TENM2: variants seen among roughly 807,000 people sequenced by gnomAD.
TENM2 encodes the protein teneurin transmembrane protein 2.
TENM2 carries 52 observed loss-of-function variants against 245.2 expected under a neutral mutation model. The observed-to-expected ratio is 0.21, with a 90% CI of 0.17 to 0.27. The LOEUF (loss-of-function observed/expected upper bound fraction) is 0.27. TENM2 is among the 10% of genes least tolerant of loss of function. TENM2 has a pLI of 1.00. For missense variants in TENM2, 3,046 were observed against 3,666.8 expected, an observed-to-expected ratio of 0.83 and a Z score of 4.37; for synonymous variants, 1,363 against 1,438.9, an observed-to-expected ratio of 0.95 and a Z score of 1.19.
intron 2 of TENM2, among the ~76,000 whole-genome samples, chr5:167,675,611 A>T (rs1464706579): frequency 2.0e-5 from 3 of 152,100 alleles, no homozygotes; most frequent in Non-Finnish European, 4.4e-5. Flanking sequence ...ATGACTTTAT[A>T]TGGGAGGTAG....
chr5:167,459,930 A>ACACACG (rs1476443753), intron 2 of TENM2, among the ~76,000 whole-genome samples: 2 of 151,616 alleles, frequency 1.3e-5, no homozygotes, highest in East Asian at 1.9e-4. Flanking sequence ...ACACACACAC[A>ACACACG]CACACGCACA....
intron 7 of TENM2, among the ~76,000 whole-genome samples, chr5:168,067,301 G>A (rs980875108): frequency 1.3e-5 from 2 of 152,094 alleles, no homozygotes; most frequent in African/African-American, 2.4e-5. Context: ...TATGCTGAGA[G>A]GTATCTATGG....
intron 4 of TENM2, among the ~76,000 whole-genome samples, chr5:167,965,893 C>A (rs901412594): frequency 1.3e-5 from 2 of 152,100 alleles, no homozygotes; most frequent in East Asian, 1.9e-4. Flanking sequence ...TATGATAATG[C>A]CTGGGGAACT....
the TENM2 span, among the ~76,000 whole-genome samples, chr5:167,264,487 C>T: frequency 6.6e-6 from 1 of 152,138 alleles, no homozygotes; most frequent in Non-Finnish European, 1.5e-5. Context: ...AGTTGAGCAG[C>T]GTGTGTTTTG....
chr5:168,249,248 G>A (rs980918430), intron 27 of TENM2, among the ~76,000 whole-genome samples: 2 of 152,044 alleles, frequency 1.3e-5, no homozygotes, highest in Non-Finnish European at 1.5e-5. Context: ...CGTAAGTATC[G>A]AGATGACTGT....
At chr5:167,156,406 G>A in the TENM2 span, among the ~76,000 whole-genome samples, 1 of 152,176 alleles carries the variant, frequency 6.6e-6, no homozygotes. Context: ...TAACCACACA[G>A]GATGGTAAAA....
At chr5:167,310,824 A>G (rs1755989190) in intron 1 of TENM2, among the ~76,000 whole-genome samples, 1 of 152,210 alleles carries the variant, frequency 6.6e-6, no homozygotes, top group African/African-American at 2.4e-5. Context: ...AGAGGAATTG[A>G]TGACGTTAAT....
At chr5:167,784,661 A>G (rs539868103) in intron 2 of TENM2, among the ~76,000 whole-genome samples, 5 of 152,300 alleles carry the variant, frequency 3.3e-5, no homozygotes, top group South Asian at 2.1e-4. Flanking sequence ...ATATAAAACC[A>G]TGTTTTCCTG....
At chr5:167,297,791 A>G (rs1166877903) in intron 1 of TENM2, among the ~76,000 whole-genome samples, 1 of 151,880 alleles carries the variant, frequency 6.6e-6, no homozygotes, top group East Asian at 1.9e-4. Context: ...AAGGAAAATT[A>G]CAGTCAAAGG....
intron 12 of TENM2, 70 bp from the exon 15 acceptor site, chr5:168,162,541 G>A: frequency 6.4e-7 from 1 of 1,553,082 alleles, no homozygotes; most frequent in Non-Finnish European, 8.8e-7. Flanking sequence ...GCTCCCCTCT[G>A]CATGGCTCCC....
chr5:167,723,667 C>T (rs895239090), intron 2 of TENM2, among the ~76,000 whole-genome samples: 2 of 152,184 alleles, frequency 1.3e-5, no homozygotes, highest in African/African-American at 4.8e-5. Flanking sequence ...GCTCCCACCT[C>T]AAGACCTCTG....
At chr5:167,814,816 TAAAGG>T (rs927246416) in intron 2 of TENM2, among the ~76,000 whole-genome samples, 2 of 151,596 alleles carry the variant, frequency 1.3e-5, no homozygotes, top group Non-Finnish European at 2.9e-5. Flanking sequence ...AGAAAAAAAG[TAAAGG>T]AAAGAATTGA....
At chr5:167,709,275 A>G (rs185669350) in intron 2 of TENM2, among the ~76,000 whole-genome samples, 2 of 152,200 alleles carry the variant, frequency 1.3e-5, no homozygotes, top group South Asian at 2.1e-4. Flanking sequence ...CTTTTACTCT[A>G]ATTTTCTCAC....
chr5:167,176,533 T>C, the TENM2 span, among the ~76,000 whole-genome samples: 1 of 152,222 alleles, frequency 6.6e-6, no homozygotes, highest in Non-Finnish European at 1.5e-5. Flanking sequence ...GAAAGGAAGG[T>C]ATAAATGTAG....
At chr5:167,791,370 A>G (rs961538488) in intron 2 of TENM2, among the ~76,000 whole-genome samples, 2 of 144,706 alleles carry the variant, frequency 1.4e-5, no homozygotes, top group African/African-American at 5.1e-5. Context: ...ATTCCACAGG[A>G]TGGATAGCAA....
At chr5:167,445,337 A>ATAGGGG (rs1491215308) in intron 2 of TENM2, among the ~76,000 whole-genome samples, 1 of 76,638 alleles carries the variant, frequency 1.3e-5, no homozygotes, top group African/African-American at 5.2e-5. Context: ...ATATATATAT[A>ATAGGGG]GAGAGAGAGA....
At chr5:168,102,449 C>T (rs1396816646) in intron 9 of TENM2, among the ~76,000 whole-genome samples, 1 of 152,212 alleles carries the variant, frequency 6.6e-6, no homozygotes, top group Non-Finnish European at 1.5e-5. Context: ...GTTAGCGCCC[C>T]CATTAACCCT....
At chr5:167,676,508 G>A (rs557787287) in intron 2 of TENM2, among the ~76,000 whole-genome samples, 1 of 152,182 alleles carries the variant, frequency 6.6e-6, no homozygotes, top group Non-Finnish European at 1.5e-5. Context: ...ACTTGAAAAT[G>A]TGTACAAAGC....
intron 2 of TENM2, among the ~76,000 whole-genome samples, chr5:167,788,044 A>G (rs938053375): frequency 2.6e-5 from 4 of 152,200 alleles, no homozygotes; most frequent in African/African-American, 9.7e-5. Context: ...TTAGTGGTGG[A>G]TGGGTGGCCC....
Sources: gnomAD v4.1 joint callset for allele counts (sites outside exome capture counted in the v4.1 genomes callset) on GRCh38, gnomAD v4.1.1 for gene constraint, MANE v1.5 for transcripts, NCBI Gene and HGNC (gene_info 2026-07-23, HGNC 2026-07-21) for gene names.